Variants in TMLHE observed in about 807,000 individuals in gnomAD.
TMLHE encodes trimethyllysine dioxygenase, mitochondrial.
In TMLHE, 18 loss-of-function variants were observed where a neutral mutation model predicts 25.7. The ratio of observed to expected loss-of-function variants is 0.70; its 90% CI spans 0.48 to 1.04. The LOEUF is 1.04. TMLHE is among the 50% of genes least tolerant of loss of function. The pLI is 0.00. For missense variants in TMLHE, 236 were observed against 259.0 expected (o/e 0.91, Z 0.61); for synonymous variants, 105 against 97.0 (o/e 1.08, Z -0.49).
chrX:155,593,094 A>T (rs1557346147), intron 1 of TMLHE, among the ~76,000 whole-genome samples: 1 of 111,582 alleles, frequency 9.0e-6, no homozygotes, highest in Non-Finnish European at 1.9e-5. Context: ...CTGAGCATAG[A>T]AGATACTCCC....
intron 5 of TMLHE, among the ~76,000 whole-genome samples, chrX:155,510,730 A>C (rs1260047345): frequency 3.7e-5 from 4 of 108,998 alleles, no homozygotes; most frequent in Non-Finnish European, 7.6e-5. Context: ...GTGTCTTTAT[A>C]GCAGCATGAT....
chrX:155,555,705 G>A (rs1557340688), intron 1 of TMLHE, among the ~76,000 whole-genome samples: 1 of 110,477 alleles, frequency 9.1e-6, no homozygotes, highest in Admixed American at 9.6e-5. Flanking sequence ...TCCTTTGCCC[G>A]CTTTTTGATG....
intron 1 of TMLHE, among the ~76,000 whole-genome samples, chrX:155,605,690 G>A (rs1048621468): frequency 8.9e-6 from 1 of 111,862 alleles, no homozygotes; most frequent in Non-Finnish European, 1.9e-5. Flanking sequence ...ACGTGATCAA[G>A]TGTACATAAT....
chrX:155,601,756 C>T (rs1401464787), intron 1 of TMLHE, among the ~76,000 whole-genome samples: 2 of 110,700 alleles, frequency 1.8e-5, no homozygotes, highest in Non-Finnish European at 3.8e-5. Context: ...GAAAAACACA[C>T]TCCAAGGATA....
At position 155,548,712 on chromosome X, in the gene TMLHE, G is replaced by A. The variant is rs782240441; in HGVS notation, c.-1-3435C>T. Among the ~76,000 whole-genome samples, 152 of 106,436 alleles carry A rather than the reference G, an allele frequency of 1.4e-3. 2 individuals are homozygous for A. Among genetic ancestry groups the A allele is most frequent in the Non-Finnish European group, 2.5e-3 (131 of 52,046 alleles). The allele number at this position is 106,436 out of a possible 115,157, so 92.4% of individuals were successfully genotyped here. A position where few individuals can be genotyped will look rare whatever the true frequency, so the allele number is the denominator to read the frequency against. On this transcript the variant is annotated intron_variant, in intron 1 of 7. Coordinates refer to ENST00000334398, the MANE Select transcript of TMLHE (RefSeq NM_018196.4). ...ATTGTGCCACTGCACTCCAGCCTGG[G>A]CGACAGAGTGAGACTCTGTCTCAAA...
chrX:155,600,829 G>A (rs923931447), intron 1 of TMLHE, among the ~76,000 whole-genome samples: 3 of 111,957 alleles, frequency 2.7e-5, no homozygotes, highest in Non-Finnish European at 5.6e-5. Flanking sequence ...AATCTGGAAT[G>A]TACGCCCCAG....
At chrX:155,550,007 G>C (rs1296771409) in intron 1 of TMLHE, among the ~76,000 whole-genome samples, 2 of 110,317 alleles carry the variant, frequency 1.8e-5, no homozygotes, top group Non-Finnish European at 3.8e-5. Context: ...AGTTTGCTGA[G>C]AATGATGGTT....
At chrX:155,597,320 G>A (rs1466936101) in intron 1 of TMLHE, among the ~76,000 whole-genome samples, 6 of 110,581 alleles carry the variant, frequency 5.4e-5, no homozygotes, top group African/African-American at 1.6e-4. Flanking sequence ...TAGTTAGAAT[G>A]GCGATCATTA....
chrX:155,556,668 GT>G (rs1557340899), intron 1 of TMLHE, among the ~76,000 whole-genome samples: 1 of 109,986 alleles, frequency 9.1e-6, no homozygotes, highest in East Asian at 2.9e-4. Flanking sequence ...TGCTAATGAA[GT>G]TTTGGGCACC....
At chrX:155,588,542 G>A (rs2067677452) in intron 1 of TMLHE, among the ~76,000 whole-genome samples, 1 of 111,281 alleles carries the variant, frequency 9.0e-6, no homozygotes, top group Non-Finnish European at 1.9e-5. Context: ...ACAGAGTGAA[G>A]AGACAACCCA....
intron 4 of TMLHE, 150 bp from the exon 5 acceptor site, chrX:155,511,942 T>C (rs1195051053): frequency 2.0e-6 from 1 of 510,413 alleles, no homozygotes; most frequent in South Asian, 5.2e-5. Flanking sequence ...AAAATGACAG[T>C]TGAACATGCT....
Position 155,603,349 on chromosome X carries a change from GAAGAA to G in TMLHE, c.-2+9438_-2+9442del, listed in dbSNP as rs1204481794. 1.5e-4 allele frequency among the ~76,000 whole-genome samples: 13 copies of G among 85,716 alleles called. No individual in the cohort carries two copies. The South Asian group carries it at 2.4e-3, about 16-fold the overall frequency. 74.4% of individuals were successfully genotyped at this position (85,716 alleles called of 115,157 possible). A position where few individuals can be genotyped will look rare whatever the true frequency, so the allele number is the denominator to read the frequency against. ...TGTCGAAAGAAAGAAAGAAAAGAAA[GAAGAA>G]AAGAAAAGAAAGAATGAAAGAAAGA... On this transcript the variant is annotated intron_variant, in intron 1 of 7. Transcript: ENST00000334398.
rs782054703 is a variant in TMLHE, at chrX:155,601,581, T to C, written c.-2+11211A>G. ...AAACATCAAAAAAGGATTTAAATGGTATGCAAGAAATTAGCTATATAACAT... is the reference window on the plus strand; with the variant it reads ...AAACATCAAAAAAGGATTTAAATGGCATGCAAGAAATTAGCTATATAACAT... On this transcript the variant is annotated intron_variant, in intron 1 of 7. Transcript: ENST00000334398. Among the ~76,000 whole-genome samples the C allele has an allele frequency of 3.6e-5, 4 of 111,658 alleles. 1 individual carries two copies. In the South Asian group the frequency reaches 1.5e-3, roughly 41 times the overall value.
At chrX:155,508,490 C>T (rs2067088860) in intron 5 of TMLHE, among the ~76,000 whole-genome samples, 1 of 110,417 alleles carries the variant, frequency 9.1e-6, no homozygotes, top group African/African-American at 3.3e-5. Context: ...CAAGTGATAG[C>T]TAAAGCCAAG....
At chrX:155,591,190 A>C (rs1176012797) in intron 1 of TMLHE, among the ~76,000 whole-genome samples, 1 of 111,909 alleles carries the variant, frequency 8.9e-6, no homozygotes, top group African/African-American at 3.2e-5. Context: ...TACATGAAGA[A>C]GAAAGAAACT....
chrX:155,550,213 AT>A (rs1294345939), intron 1 of TMLHE, among the ~76,000 whole-genome samples: 39 of 109,459 alleles, frequency 3.6e-4, no homozygotes, highest in South Asian at 1.9e-3. Flanking sequence ...TCGTAGAATG[AT>A]TTTTTTTTGG....
rs1557341991 is a variant in TMLHE, at chrX:155,563,619, T to C, written c.-1-18342A>G. ...AATTTTAGTTTTGGATCTGTTAAAT[T>C]TGAGATGTCTATTAGATTTTTAGGT... On this transcript the variant is annotated intron_variant, in intron 1 of 7. Coordinates refer to ENST00000334398, the MANE Select transcript of TMLHE (RefSeq NM_018196.4). 3.2e-5 allele frequency among the ~76,000 whole-genome samples: 2 copies of C among 61,710 alleles called. 1 individual carries two copies. The highest frequency in any genetic ancestry group is 9.1e-5 in the Non-Finnish European group (2 of 22,003). The allele number at this position is 61,710 out of a possible 115,157, so 53.6% of individuals were successfully genotyped here.
At chrX:155,542,159 A>G (rs1328131520) in intron 2 of TMLHE, among the ~76,000 whole-genome samples, 1 of 111,196 alleles carries the variant, frequency 9.0e-6, no homozygotes, top group East Asian at 2.8e-4. Flanking sequence ...GTTTTCTTCT[A>G]GGGTTTTTAT....
At chrX:155,554,473 T>G (rs1557340456) in intron 1 of TMLHE, among the ~76,000 whole-genome samples, 1 of 111,436 alleles carries the variant, frequency 9.0e-6, no homozygotes, top group African/African-American at 3.3e-5. Flanking sequence ...GTCTTCATGT[T>G]GTTTTTTTGA....
Sources: gnomAD v4.1 joint callset for allele counts (sites outside exome capture counted in the v4.1 genomes callset) on GRCh38, gnomAD v4.1.1 for gene constraint, MANE v1.5 for transcripts, NCBI Gene and HGNC (gene_info 2026-07-23, HGNC 2026-07-21) for gene names.